Variants in EGFLAM observed in about 807,000 individuals in gnomAD.
The protein encoded by EGFLAM is EGF like, fibronectin type III and laminin G domains.
Under a neutral mutation model 113.1 loss-of-function variants are expected in EGFLAM, and 79 were observed. That is an observed-to-expected ratio of 0.70 (90% CI 0.58 to 0.84). EGFLAM has a LOEUF of 0.84. EGFLAM is among the 40% of genes least tolerant of loss of function. The pLI, the probability that EGFLAM is intolerant of heterozygous loss-of-function variation, is 0.00. For missense variants in EGFLAM, 1,265 were observed against 1,291.6 expected, an observed-to-expected ratio of 0.98 and a Z score of 0.32; for synonymous variants, 504 against 487.6, an observed-to-expected ratio of 1.03 and a Z score of -0.44.
intron 1 of EGFLAM, among the ~76,000 whole-genome samples, chr5:38,279,789 A>C (rs943343330): frequency 3.9e-5 from 6 of 152,198 alleles, no homozygotes. Flanking sequence ...AATAAGCTCA[A>C]GAGATCTATT....
intron 5 of EGFLAM, among the ~76,000 whole-genome samples, chr5:38,355,648 A>C (rs1164423577): frequency 6.6e-6 from 1 of 152,210 alleles, no homozygotes; most frequent in Non-Finnish European, 1.5e-5. Flanking sequence ...TTGATGTTAA[A>C]AACCTACAAA....
chr5:38,449,294 G>A (rs1480590649), intron 18 of EGFLAM, among the ~76,000 whole-genome samples: 1 of 152,146 alleles, frequency 6.6e-6, no homozygotes, highest in African/African-American at 2.4e-5. Flanking sequence ...AACAAAATGT[G>A]GTTGGGAGGA....
intron 1 of EGFLAM, among the ~76,000 whole-genome samples, chr5:38,306,534 TA>T (rs1758721577): frequency 6.6e-6 from 1 of 152,248 alleles, no homozygotes; most frequent in African/African-American, 2.4e-5. Context: ...CAGTGGCAGC[TA>T]TTGGTGCTAT....
rs565190447 is a variant in EGFLAM at position 38,408,559 on chromosome 5, C to T, written c.1249-445C>T. ...ACCACCAGCACAGCTTTTGGCTGAGCTATTCTTACCATCCTGTTCTCCTGA... is the reference window on the plus strand; with the variant it reads ...ACCACCAGCACAGCTTTTGGCTGAGTTATTCTTACCATCCTGTTCTCCTGA... On this transcript the variant is annotated intron_variant, in intron 9 of 21. Coordinates refer to ENST00000322350, the MANE Select transcript of EGFLAM (RefSeq NM_152403.4). 6.6e-5 allele frequency among the ~76,000 whole-genome samples: 10 copies of T among 152,296 alleles called. 1 individual carries two copies. The East Asian group carries it at 1.9e-3, about 29-fold the overall frequency.
At chr5:38,420,671 G>A (rs914993438) in intron 12 of EGFLAM, among the ~76,000 whole-genome samples, 27 of 152,272 alleles carry the variant, frequency 1.8e-4, no homozygotes, top group African/African-American at 6.3e-4. Flanking sequence ...CATCAAATCA[G>A]CTATAATCTG....
chr5:38,353,368 G>A (rs896011053), intron 5 of EGFLAM, among the ~76,000 whole-genome samples: 1 of 152,184 alleles, frequency 6.6e-6, no homozygotes, highest in Non-Finnish European at 1.5e-5. Flanking sequence ...TGTGGAGTTG[G>A]GATTCTCCAC....
intron 1 of EGFLAM, among the ~76,000 whole-genome samples, chr5:38,261,707 A>G (rs1277259923): frequency 2.0e-5 from 3 of 152,136 alleles, no homozygotes; most frequent in Non-Finnish European, 2.9e-5. Flanking sequence ...TTGCTCTTAA[A>G]CATTTGTAAA....
At chr5:38,409,928 C>T (rs532102721) in intron 10 of EGFLAM, among the ~76,000 whole-genome samples, 1 of 152,138 alleles carries the variant, frequency 6.6e-6, no homozygotes, top group East Asian at 1.9e-4. Flanking sequence ...TGCACTGCAC[C>T]TCTTTGTGAA....
intron 3 of EGFLAM, among the ~76,000 whole-genome samples, chr5:38,349,823 C>CT (rs1739571190): frequency 8.1e-6 from 1 of 123,602 alleles, no homozygotes; most frequent in Non-Finnish European, 1.6e-5. Flanking sequence ...TTAAGAAAGT[C>CT]TTCCTGGTGA....
chr5:38,328,731 T>G (rs375852380), intron 1 of EGFLAM, among the ~76,000 whole-genome samples: 28 of 144,732 alleles, frequency 1.9e-4, no homozygotes, highest in Admixed American at 2.7e-4. Flanking sequence ...TTGTTTTTTT[T>G]TTTTTTTTTT....
chr5:38,320,228 ATAT>A (rs1287555515), intron 1 of EGFLAM, among the ~76,000 whole-genome samples: 1 of 152,204 alleles, frequency 6.6e-6, no homozygotes, highest in African/African-American at 2.4e-5. Context: ...TTAAAATCTG[ATAT>A]TAGACTACAC....
chr5:38,293,612 G>T (rs1295558821), intron 1 of EGFLAM, among the ~76,000 whole-genome samples: 1 of 152,024 alleles, frequency 6.6e-6, no homozygotes, highest in Non-Finnish European at 1.5e-5. Context: ...AAAGTATATG[G>T]TTCTTCAAGA....
chr5:38,299,915 T>A (rs1200534332), intron 1 of EGFLAM, among the ~76,000 whole-genome samples: 2 of 152,156 alleles, frequency 1.3e-5, no homozygotes, highest in Non-Finnish European at 2.9e-5. Context: ...GATGCCTTAA[T>A]GAACAAAAAC....
intron 1 of EGFLAM, among the ~76,000 whole-genome samples, chr5:38,310,615 C>T (rs78231853): frequency 0.013 from 2,012 of 151,608 alleles, 44 homozygotes; most frequent in African/African-American, 0.045. Context: ...GATTTAACTC[C>T]CAAAAAGAAA....
At chr5:38,321,681 T>G (rs1244001641) in intron 1 of EGFLAM, among the ~76,000 whole-genome samples, 1 of 152,190 alleles carries the variant, frequency 6.6e-6, no homozygotes, top group Non-Finnish European at 1.5e-5. Flanking sequence ...CAGGAACCAC[T>G]GCTAGAGGCT....
At chr5:38,409,734 C>A (rs868172689) in intron 10 of EGFLAM, among the ~76,000 whole-genome samples, 2 of 152,148 alleles carry the variant, frequency 1.3e-5, no homozygotes. Context: ...GAGCCTCCAA[C>A]CTCCTATGGG....
chr5:38,435,797 C>T (rs1029994377), intron 16 of EGFLAM, among the ~76,000 whole-genome samples: 5 of 149,886 alleles, frequency 3.3e-5, no homozygotes, highest in Admixed American at 6.6e-5. Flanking sequence ...CTGACTCCCC[C>T]GGCTCTCTCT....
At chr5:38,374,546 T>C (rs1037337602) in intron 6 of EGFLAM, among the ~76,000 whole-genome samples, 9 of 152,254 alleles carry the variant, frequency 5.9e-5, no homozygotes, top group African/African-American at 1.7e-4. Flanking sequence ...GTAAAAGGTC[T>C]GCAAAATATC....
At position 38,444,542 on chromosome 5, in the gene EGFLAM, T is replaced by A. The variant is rs184263234; in HGVS notation, c.2465-3759T>A. Among the ~76,000 whole-genome samples, 446 of 152,354 alleles carry A rather than the reference T, an allele frequency of 2.9e-3. 2 individuals carry two copies. Among genetic ancestry groups the A allele is most frequent in the African/African-American group, 0.01 (423 of 41,584 alleles). On this transcript the variant is annotated intron_variant, in intron 17 of 21. Transcript: ENST00000322350. ...TACCCTGATCTGATTACTATATATGTATCAAAACATCACTATGTACCCCAT... is the reference window on the plus strand; with the variant it reads ...TACCCTGATCTGATTACTATATATGAATCAAAACATCACTATGTACCCCAT...
Sources: gnomAD v4.1 joint callset for allele counts (sites outside exome capture counted in the v4.1 genomes callset) on GRCh38, gnomAD v4.1.1 for gene constraint, MANE v1.5 for transcripts, NCBI Gene and HGNC (gene_info 2026-07-23, HGNC 2026-07-21) for gene names.